The following BAIAP2 variants were observed in gnomAD, a reference collection of about 807,000 sequenced individuals.
BAIAP2 encodes BAR/IMD domain-containing adapter protein 2.
In BAIAP2, 18 loss-of-function variants were observed where a neutral mutation model predicts 63.0. The observed-to-expected ratio is 0.29, with a 90% CI of 0.20 to 0.42. The LOEUF is 0.42. Among genes scored for constraint, BAIAP2 ranks in the 10% least tolerant of loss-of-function variants. BAIAP2 has a pLI of 1.00. For missense variants in BAIAP2, 610 were observed against 734.3 expected (o/e 0.83, Z 1.96); for synonymous variants, 386 against 307.6 (o/e 1.25, Z -2.67).
At chr17:81,088,477 A>G (rs1387765220) in intron 6 of BAIAP2, among the ~76,000 whole-genome samples, 1 of 152,194 alleles carries the variant, frequency 6.6e-6, no homozygotes, top group Non-Finnish European at 1.5e-5. Context: ...TCCATCACTC[A>G]GTCCGTTTTA....
chr17:81,104,861 G>A, intron 10 of BAIAP2, 146 bp downstream of exon 10: 1 of 887,270 alleles, frequency 1.1e-6, no homozygotes. Context: ...GGCAGTGAGA[G>A]CAAGCGTGAC....
intron 1 of BAIAP2, among the ~76,000 whole-genome samples, chr17:81,042,278 G>T (rs1368721062): frequency 6.6e-6 from 1 of 151,544 alleles, no homozygotes; most frequent in Non-Finnish European, 1.5e-5. Flanking sequence ...GAGTAGCTAG[G>T]ACCACAGGCG....
chr17:81,105,969 C>A, intron 10 of BAIAP2, 109 bp from the exon 11 acceptor site: 1 of 906,664 alleles, frequency 1.1e-6, no homozygotes, highest in South Asian at 1.6e-5. Context: ...CCAGAGACAG[C>A]CGCGCAGCCA....
rs1453987697 is a variant in BAIAP2 at position 81,046,597 on chromosome 17, C to G, written c.55-7071C>G. Among the ~76,000 whole-genome samples, 1 of 152,110 alleles carries G rather than the reference C, an allele frequency of 6.6e-6. No homozygotes were observed. The highest frequency in any genetic ancestry group is 1.9e-4 in the East Asian group (1 of 5,182). On this transcript the variant is annotated intron_variant, in intron 1 of 13. Coordinates refer to ENST00000428708, the MANE Select transcript of BAIAP2 (RefSeq NM_001144888.2). The surrounding 1 kb of genome is among the most constrained non-coding windows in gnomAD (Gnocchi z 4.5). ...GGAGGACGCTGCCACCTTCCCGATGCTCTCTGCCCACAGAAGTCCCCCAAC... is the reference window on the plus strand; with the variant it reads ...GGAGGACGCTGCCACCTTCCCGATGGTCTCTGCCCACAGAAGTCCCCCAAC...
At chr17:81,099,015 AC>A (rs2058111446) in intron 6 of BAIAP2, among the ~76,000 whole-genome samples, 1 of 129,488 alleles carries the variant, frequency 7.7e-6, no homozygotes, top group Admixed American at 7.4e-5. Flanking sequence ...CCACGGGGAC[AC>A]CCGGGTGGGC....
chr17:81,050,481 G>A (rs1033262392), intron 1 of BAIAP2, among the ~76,000 whole-genome samples: 2 of 152,218 alleles, frequency 1.3e-5, no homozygotes, highest in Admixed American at 1.3e-4. Flanking sequence ...GCCGTGGTTG[G>A]CCCTGGGTGG....
intron 1 of BAIAP2, among the ~76,000 whole-genome samples, chr17:81,045,778 C>T (rs1297550589): frequency 1.3e-5 from 2 of 152,158 alleles, no homozygotes; most frequent in African/African-American, 2.4e-5. Context: ...TGGGGTGTGC[C>T]CTCCATCTGT....
chr17:81,055,660 G>A (rs1332575509), intron 2 of BAIAP2, among the ~76,000 whole-genome samples: 1 of 147,792 alleles, frequency 6.8e-6, no homozygotes, highest in Non-Finnish European at 1.5e-5. Context: ...CTGCCTCCCG[G>A]GTTCACGCCA....
intron 1 of BAIAP2, among the ~76,000 whole-genome samples, chr17:81,037,152 C>T (rs888394175): frequency 6.6e-6 from 1 of 152,230 alleles, no homozygotes; most frequent in Non-Finnish European, 1.5e-5. Context: ...GGACGCAGAC[C>T]AGCTGGTCTG....
intron 3 of BAIAP2, among the ~76,000 whole-genome samples, chr17:81,074,369 T>C (rs575117140): frequency 1.7e-4 from 26 of 151,296 alleles, no homozygotes; most frequent in African/African-American, 6.3e-4. Context: ...TGTGTCACTG[T>C]GTGTGCGTGC....
At chr17:81,052,044 C>G (rs562804539) in intron 1 of BAIAP2, among the ~76,000 whole-genome samples, 1 of 152,226 alleles carries the variant, frequency 6.6e-6, no homozygotes, top group Non-Finnish European at 1.5e-5. Flanking sequence ...CCCTCCTTAG[C>G]TTCATGCAGC....
chr17:81,091,074 A>G (rs1016910736), intron 6 of BAIAP2, among the ~76,000 whole-genome samples: 1 of 13,174 alleles, frequency 7.6e-5, no homozygotes. Flanking sequence ...ACCCGCCCCC[A>G]CTTGTGTGCC....
chr17:81,044,565 T>C (rs1159930690), intron 1 of BAIAP2, among the ~76,000 whole-genome samples: 1 of 152,192 alleles, frequency 6.6e-6, no homozygotes, highest in Non-Finnish European at 1.5e-5. Context: ...ATGCCGGGGC[T>C]TAGAACTTCA....
At chr17:81,100,164 G>A (rs112127661) in intron 7 of BAIAP2, 84 bp downstream of exon 7, 60 of 1,469,706 alleles carry the variant, frequency 4.1e-5, no homozygotes, top group Non-Finnish European at 5.0e-5. Flanking sequence ...CCCCAGCCCC[G>A]TGAACACACC....
chr17:81,104,439 C>A, intron 9 of BAIAP2, 75 bp from the exon 10 acceptor site: 1 of 1,480,118 alleles, frequency 6.8e-7, no homozygotes, highest in South Asian at 1.3e-5. Flanking sequence ...GCTCTCAGCA[C>A]CTCAACCAGA....
chr17:81,084,710 CGGGGGCCCTGCTGCCTGTGGTCACA>C (rs2055264448), intron 3 of BAIAP2, 97 bp from the exon 4 acceptor site: 1 of 901,662 alleles, frequency 1.1e-6, no homozygotes, highest in South Asian at 1.3e-5. Flanking sequence ...CCTGACACCC[CGGGGGCCCTGCTGCCTGTGGTCACA>C]GGGCTTCCCT....
chr17:81,086,331 T>C, intron 5 of BAIAP2, 112 bp from the exon 6 acceptor site: 2 of 1,320,900 alleles, frequency 1.5e-6, no homozygotes, highest in South Asian at 2.7e-5. Context: ...GTGGCAGGGC[T>C]GGCAAGGGGA....
At chr17:81,068,755 G>A (rs1296282863) in intron 3 of BAIAP2, among the ~76,000 whole-genome samples, 1 of 152,178 alleles carries the variant, frequency 6.6e-6, no homozygotes, top group East Asian at 1.9e-4. Flanking sequence ...GGAGGGCCTG[G>A]GGGGACTCCG....
chr17:81,060,454 C>T (rs1360487602), intron 3 of BAIAP2, among the ~76,000 whole-genome samples: 5 of 152,170 alleles, frequency 3.3e-5, no homozygotes, highest in African/African-American at 4.8e-5. Flanking sequence ...CGGTGTGTGA[C>T]CTTCTGTGTC....
Sources: allele counts gnomAD v4.1 joint callset (sites outside exome capture counted in the v4.1 genomes callset), GRCh38; gene constraint gnomAD v4.1.1; non-coding constraint Gnocchi (gnomAD v3.1); transcripts MANE v1.5; gene names NCBI Gene and HGNC (gene_info 2026-07-23, HGNC 2026-07-21).